MYO16: variants seen among roughly 807,000 people sequenced by gnomAD.
MYO16 encodes the protein myosin XVI, also known as unconventional myosin-XVI.
Under a neutral mutation model 205.3 loss-of-function variants are expected in MYO16, and 94 were observed. That is an observed-to-expected ratio of 0.46 (90% CI 0.39 to 0.54). The LOEUF (loss-of-function observed/expected upper bound fraction) is 0.54. Among genes scored for constraint, MYO16 ranks in the 20% least tolerant of loss-of-function variants. The pLI is 0.00. For synonymous variants in MYO16, 988 were observed against 954.0 expected (o/e 1.04, Z -0.66); for missense variants, 2,315 against 2,387.5 (o/e 0.97, Z 0.63).
the MYO16 span, among the ~76,000 whole-genome samples, chr13:108,509,879 C>G: frequency 3.5e-4 from 54 of 152,184 alleles, no homozygotes; most frequent in Admixed American, 9.8e-4. Flanking sequence ...TTTCTTCCCC[C>G]GCCCAACCCC....
At chr13:109,066,040 C>T (rs1165432661) in intron 27 of MYO16, among the ~76,000 whole-genome samples, 1 of 152,158 alleles carries the variant, frequency 6.6e-6, no homozygotes, top group African/African-American at 2.4e-5. Context: ...TAGCCCGAAC[C>T]ATTTAGCTTG....
chr13:108,558,889 T>C, the MYO16 span, among the ~76,000 whole-genome samples: 2 of 152,190 alleles, frequency 1.3e-5, no homozygotes, highest in African/African-American at 4.8e-5. Context: ...AAACCCACTA[T>C]TTTTGTCATT....
intron 1 of MYO16, among the ~76,000 whole-genome samples, chr13:108,614,137 A>G (rs1879267558): frequency 6.6e-6 from 1 of 152,176 alleles, no homozygotes; most frequent in African/African-American, 2.4e-5. Context: ...TTTACAGGAT[A>G]CAATATCCAC....
At chr13:108,950,036 A>G (rs1226798570) in intron 16 of MYO16, among the ~76,000 whole-genome samples, 1 of 152,236 alleles carries the variant, frequency 6.6e-6, no homozygotes, top group Non-Finnish European at 1.5e-5. Flanking sequence ...CATATTATGG[A>G]AAAAATCAAG....
chr13:108,822,366 A>G (rs532805125), intron 8 of MYO16, among the ~76,000 whole-genome samples: 1 of 152,240 alleles, frequency 6.6e-6, no homozygotes, highest in South Asian at 2.1e-4. Flanking sequence ...AAGGCCACAT[A>G]ACTCTAATTG....
the MYO16 span, among the ~76,000 whole-genome samples, chr13:108,529,611 C>G: frequency 6.6e-6 from 1 of 152,176 alleles, no homozygotes; most frequent in African/African-American, 2.4e-5. Context: ...TCTGGGTTAT[C>G]TTCAGGATCA....
chr13:108,649,826 C>T (rs1880920499), intron 1 of MYO16, among the ~76,000 whole-genome samples: 1 of 152,140 alleles, frequency 6.6e-6, no homozygotes, highest in Non-Finnish European at 1.5e-5. Context: ...GAATTGGTTT[C>T]TGTGTTCTTG....
chr13:108,785,868 T>C, intron 5 of MYO16, 125 bp downstream of exon 5: 2 of 628,382 alleles, frequency 3.2e-6, no homozygotes, highest in Non-Finnish European at 5.5e-6. Flanking sequence ...GTGTAGAAGA[T>C]GGTATTTTTT....
intron 9 of MYO16, among the ~76,000 whole-genome samples, chr13:108,831,252 G>A (rs1057513116): frequency 5.9e-5 from 9 of 152,036 alleles, no homozygotes; most frequent in Non-Finnish European, 1.0e-4. Context: ...GAAGTCTACC[G>A]GGCATAGAGT....
In MYO16 at chr13:108,855,433, T is replaced by C. The variant is rs868496654; in HGVS notation, c.1249-10T>C. 2.7e-5 allele frequency: 42 copies of C among 1,533,868 alleles called. No homozygotes were observed. Among genetic ancestry groups the C allele is most frequent in the Non-Finnish European group, 3.7e-5 (41 of 1,121,766 alleles). ...AATTAGAATTGATCATACTTTCGGT[T>C]CTTCCCCAGGTCAAGCTAATGCCTC... On this transcript the variant is annotated splice_polypyrimidine_tract_variant and intron_variant, in intron 10 of 34. Coordinates refer to ENST00000457511, the MANE Select transcript of MYO16 (RefSeq NM_001198950.3).
chr13:108,887,534 A>G (rs1260637320), intron 13 of MYO16, among the ~76,000 whole-genome samples: 2 of 152,162 alleles, frequency 1.3e-5, no homozygotes, highest in East Asian at 3.8e-4. Context: ...TCAATCCTAT[A>G]TCATATAGTG....
chr13:108,699,398 T>C (rs533688856), intron 2 of MYO16, among the ~76,000 whole-genome samples: 4 of 152,280 alleles, frequency 2.6e-5, no homozygotes, highest in Non-Finnish European at 4.4e-5. Context: ...TGTTTATTTG[T>C]AAAAGTGAGT....
At chr13:109,196,108 G>A (rs1204507168) in intron 34 of MYO16, among the ~76,000 whole-genome samples, 1 of 152,088 alleles carries the variant, frequency 6.6e-6, no homozygotes, top group Non-Finnish European at 1.5e-5. Flanking sequence ...CATCACCTCC[G>A]TTTTTACATC....
the MYO16 span, among the ~76,000 whole-genome samples, chr13:108,528,546 T>TCTCTC: frequency 0.016 from 1,697 of 104,352 alleles, 49 homozygotes; most frequent in South Asian, 0.034. Context: ...TTTTATTTTG[T>TCTCTC]CTCTCCTCTC....
chr13:108,957,396 A>AC (rs1555317166), intron 16 of MYO16, among the ~76,000 whole-genome samples: 65 of 151,064 alleles, frequency 4.3e-4, no homozygotes, highest in Admixed American at 1.6e-3. Flanking sequence ...AAAAAAAAAA[A>AC]AAAAACAAAA....
intron 10 of MYO16, among the ~76,000 whole-genome samples, chr13:108,846,872 T>C (rs1013582491): frequency 5.9e-5 from 9 of 152,188 alleles, no homozygotes; most frequent in Admixed American, 2.0e-4. Context: ...TCAAAAACTT[T>C]TGAATGCAAT....
intron 5 of MYO16, among the ~76,000 whole-genome samples, chr13:108,789,288 A>G (rs1886546821): frequency 1.3e-5 from 2 of 152,004 alleles, no homozygotes; most frequent in Admixed American, 6.5e-5. Flanking sequence ...TATCCTTCTA[A>G]TATGTCCACC....
chr13:109,037,054 C>T (rs1886742096), intron 23 of MYO16, among the ~76,000 whole-genome samples: 1 of 152,194 alleles, frequency 6.6e-6, no homozygotes, highest in African/African-American at 2.4e-5. Context: ...CTTTGTGTGT[C>T]AGCAGACCTG....
intron 2 of MYO16, among the ~76,000 whole-genome samples, chr13:108,666,837 T>A (rs1415293257): frequency 1.3e-5 from 2 of 152,196 alleles, no homozygotes; most frequent in Admixed American, 1.3e-4. Flanking sequence ...TGTATGTGAA[T>A]TTTTCTGTTT....
Sources: gnomAD v4.1 joint callset for allele counts (sites outside exome capture counted in the v4.1 genomes callset) on GRCh38, gnomAD v4.1.1 for gene constraint, MANE v1.5 for transcripts, NCBI Gene and HGNC (gene_info 2026-07-23, HGNC 2026-07-21) for gene names.